Variants in NAV3 observed in about 807,000 individuals in gnomAD.
NAV3 encodes pore membrane and/or filament interacting like protein 1.
NAV3 carries 87 observed loss-of-function variants against 244.7 expected under a neutral mutation model. That is an observed-to-expected ratio of 0.36 (90% CI 0.30 to 0.42). The LOEUF (loss-of-function observed/expected upper bound fraction) is 0.42. Ranked by LOEUF, NAV3 falls within the 20% of genes least tolerant of loss-of-function variation. NAV3 has a pLI of 1.00. For missense variants in NAV3, 2,663 were observed against 2,893.3 expected (o/e 0.92, Z 1.83); for synonymous variants, 1,126 against 1,042.2 (o/e 1.08, Z -1.55).
At chr12:77,760,667 C>T (rs576169790) in intron 2 of NAV3, among the ~76,000 whole-genome samples, 20 of 152,234 alleles carry the variant, frequency 1.3e-4, no homozygotes, top group African/African-American at 4.6e-4. Flanking sequence ...TATGAGGCTT[C>T]GTATGTGACT....
At chr12:77,857,236 A>C (rs11107038) in intron 1 of NAV3, among the ~76,000 whole-genome samples, 68,141 of 151,810 alleles carry the variant, frequency 0.45, 15,793 homozygotes, top group Non-Finnish European at 0.51. Flanking sequence ...TCTAAAATGA[A>C]GATCATAATA....
At chr12:78,201,072 C>CTTTTT (rs549973376) in intron 38 of NAV3, among the ~76,000 whole-genome samples, 13 of 90,306 alleles carry the variant, frequency 1.4e-4, no homozygotes, top group African/African-American at 3.5e-4. Context: ...TCTTCTCCTT[C>CTTTTT]TTTTTTTTTT....
chr12:78,132,369 AG>A (rs904590680), intron 18 of NAV3, among the ~76,000 whole-genome samples: 16 of 152,210 alleles, frequency 1.1e-4, no homozygotes, highest in African/African-American at 3.9e-4. Flanking sequence ...TTACCTTTCT[AG>A]GATGTGGGTT....
intron 13 of NAV3, among the ~76,000 whole-genome samples, chr12:78,117,690 A>G (rs1955481342): frequency 6.6e-6 from 1 of 151,902 alleles, no homozygotes; most frequent in South Asian, 2.1e-4. Context: ...TCTCTGAAAT[A>G]TATCACTGGA....
chr12:78,097,877 A>T (rs1198857803), intron 12 of NAV3, among the ~76,000 whole-genome samples: 2 of 152,110 alleles, frequency 1.3e-5, no homozygotes, highest in Admixed American at 1.3e-4. Context: ...TAATTTGGGA[A>T]CTTCTATTCC....
In NAV3 at chr12:77,781,243, G is replaced by C. The variant is rs112468937; in HGVS notation, c.73-159076G>C. Among the ~76,000 whole-genome samples the C allele has an allele frequency of 3.0e-3, 460 of 152,218 alleles. 1 individual carries two copies. The highest frequency in any genetic ancestry group is 4.8e-3 in the Non-Finnish European group (327 of 67,996). ...GCATTCCAAAGTTAGCCTGAAAAGAGTAATTCAGGCCATGATGAGAATAGG... is the reference window on the plus strand; with the variant it reads ...GCATTCCAAAGTTAGCCTGAAAAGACTAATTCAGGCCATGATGAGAATAGG... On this transcript the variant is annotated intron_variant, in intron 2 of 8. Coordinates refer to the NAV3 transcript ENST00000550042.
chr12:78,181,506 A>C (rs1180179251), intron 30 of NAV3, among the ~76,000 whole-genome samples: 1 of 152,066 alleles, frequency 6.6e-6, no homozygotes, highest in African/African-American at 2.4e-5. Flanking sequence ...CAGCTCTATT[A>C]AATTTCCAAC....
At position 78,200,539 on chromosome 12, in the gene NAV3, G is replaced by A. The variant is rs1959539673; in HGVS notation, c.6782G>A (p.Trp2261Ter). ...TCTAGAGTATGGTTCATGGATCTCT[G>A]GAACTATTCTTTAGTACCTTATATT... ...EGSRVWFMDL[W>*]NYSLVPYILE... Residue 2261 changes from tryptophan to a stop codon, truncating the protein, a stop_gained, in exon 38 of 40, where the codon TGG becomes TAG. Coordinates refer to ENST00000397909, the MANE Select transcript of NAV3 (RefSeq NM_001024383.2). LOFTEE classifies it high-confidence loss of function. 6.2e-7 allele frequency: 1 copy of A among 1,601,646 alleles called. No homozygotes were observed. Among genetic ancestry groups the A allele is most frequent in the Non-Finnish European group, 8.5e-7 (1 of 1,173,540 alleles).
At position 77,966,153 on chromosome 12, in the gene NAV3, C is replaced by T. The variant is rs533715351; in HGVS notation, c.415-76C>T. The T allele has an allele frequency of 2.5e-6, 3 of 1,180,608 alleles. No individual in the cohort carries two copies. The Admixed American group carries it at 5.2e-5, about 20-fold the overall frequency. The allele number at this position is 1,180,608 out of a possible 1,614,324, so 73.1% of individuals were successfully genotyped here. On this transcript the variant is annotated intron_variant, in intron 3 of 39. Coordinates refer to ENST00000397909, the MANE Select transcript of NAV3 (RefSeq NM_001024383.2). Reference sequence around the variant, plus strand: ...AACTATTCATTCTTTATCGTTCTTTCTGGTTTCATTTTGGCACATGTATTT... The same window carrying T: ...AACTATTCATTCTTTATCGTTCTTTTTGGTTTCATTTTGGCACATGTATTT...
chr12:77,766,997 G>A (rs1391313030), intron 2 of NAV3, among the ~76,000 whole-genome samples: 1 of 151,910 alleles, frequency 6.6e-6, no homozygotes. Context: ...CAGGTGATCA[G>A]CCCGCCTTGG....
chr12:78,188,409 C>A, intron 32 of NAV3, 66 bp downstream of exon 32: 1 of 1,363,022 alleles, frequency 7.3e-7, no homozygotes, highest in South Asian at 1.3e-5. Context: ...TTTTCCATAA[C>A]TTCAATAGCA....
intron 2 of NAV3, among the ~76,000 whole-genome samples, chr12:77,624,338 A>T (rs566769203): frequency 1.3e-5 from 2 of 152,248 alleles, no homozygotes; most frequent in South Asian, 4.1e-4. Flanking sequence ...TGCAAGAAAT[A>T]AAGGTGGAGA....
In NAV3 at chr12:77,937,737, G is replaced by C. The variant is rs560540257; in HGVS notation, c.244-2582G>C. On this transcript the variant is annotated intron_variant, in intron 1 of 39. Coordinates refer to ENST00000397909, the MANE Select transcript of NAV3 (RefSeq NM_001024383.2). ...AGAAGCAATTACTACAATTTCTTTA[G>C]TCTTCTGATGCCAGCCTTCTCAATT... 2.2e-4 allele frequency among the ~76,000 whole-genome samples: 33 copies of C among 152,212 alleles called. No homozygotes were observed. In the South Asian group the frequency reaches 3.5e-3, roughly 16 times the overall value.
At chr12:77,766,867 G>T (rs1007553132) in intron 2 of NAV3, among the ~76,000 whole-genome samples, 2 of 146,410 alleles carry the variant, frequency 1.4e-5, no homozygotes, top group Non-Finnish European at 3.0e-5. Context: ...AATTCTTCCT[G>T]CCTCATCCTC....
intron 25 of NAV3, 146 bp downstream of exon 25, chr12:78,175,573 A>C: frequency 1.0e-6 from 1 of 1,002,996 alleles, no homozygotes; most frequent in Non-Finnish European, 1.4e-6. Flanking sequence ...TCATCACCAA[A>C]ATTGGAGTGG....
intron 1 of NAV3, among the ~76,000 whole-genome samples, chr12:77,875,871 G>T (rs975497702): frequency 2.0e-5 from 3 of 151,956 alleles, no homozygotes; most frequent in African/African-American, 4.8e-5. Flanking sequence ...CAATACTTAA[G>T]AGGATCCATA....
At chr12:77,785,176 T>C (rs568195707) in intron 2 of NAV3, among the ~76,000 whole-genome samples, 2 of 152,218 alleles carry the variant, frequency 1.3e-5, no homozygotes, top group African/African-American at 4.8e-5. Context: ...AGCAAACATC[T>C]TGTAGTCCTT....
rs192678918 is a variant in NAV3, at chr12:78,187,321, A to G, written c.5791-927A>G. On this transcript the variant is annotated intron_variant, in intron 31 of 39. Transcript: ENST00000397909. ...AATTAGGTGGTAGGTATTATGTGTT[A>G]TAGAATCCATATCTTCTAACTCATG... Among the ~76,000 whole-genome samples, 5 of 152,018 alleles carry G rather than the reference A, an allele frequency of 3.3e-5. No homozygotes were observed. In the East Asian group the frequency reaches 7.8e-4, roughly 24 times the overall value.
At position 78,179,602 on chromosome 12, in the gene NAV3, A is replaced by C. The variant is rs765932919; in HGVS notation, c.5437A>C (p.Lys1813Gln). 9.3e-6 allele frequency: 15 copies of C among 1,613,274 alleles called. No homozygotes were observed. In the East Asian group the frequency reaches 2.9e-4, roughly 31 times the overall value. ...LKSELREKEL[K>Q]LTDIRLEALS... ...GAGCGAGCTCAGAGAAAAGGAATTA[A>C]AATTAACGGATATTCGGCTGGAGGC... Residue 1813 changes from lysine to glutamine, a missense_variant, in exon 29 of 40, where the codon AAA becomes CAA. Physicochemically the swap from Lys to Gln is moderately conservative, Grantham distance 53. This residue lies in a region of NAV3 where 193 missense variants were observed against 200.7 expected (regional missense o/e 0.96). Transcript: ENST00000397909.
Sources: gnomAD v4.1 joint callset for allele counts (sites outside exome capture counted in the v4.1 genomes callset) on GRCh38, gnomAD v4.1.1 for gene constraint, gnomAD v4.1.1 regional missense constraint, MANE v1.5 for transcripts, NCBI Gene and HGNC (gene_info 2026-07-23, HGNC 2026-07-21) for gene names.